The following NRG3 variants were observed in gnomAD, a reference collection of about 807,000 sequenced individuals.
NRG3 encodes the protein neuregulin 3, also known as pro-neuregulin-3, membrane-bound isoform.
NRG3 carries 31 observed loss-of-function variants against 66.9 expected under a neutral mutation model. That is an observed-to-expected ratio of 0.46 (90% CI 0.35 to 0.63). NRG3 has a LOEUF of 0.63. Ranked by LOEUF, NRG3 falls within the 20% of genes least tolerant of loss-of-function variation. The pLI is 0.00. For synonymous variants in NRG3, 393 were observed against 359.4 expected, an observed-to-expected ratio of 1.09 and a Z score of -1.06; for missense variants, 910 against 878.9, an observed-to-expected ratio of 1.04 and a Z score of -0.45.
At chr10:82,632,635 G>A (rs902340254) in intron 2 of NRG3, among the ~76,000 whole-genome samples, 1 of 152,102 alleles carries the variant, frequency 6.6e-6, no homozygotes, top group Non-Finnish European at 1.5e-5. Flanking sequence ...GAAGGACTGT[G>A]TAGTATTATA....
At chr10:82,445,732 C>G (rs1284667676) in intron 2 of NRG3, among the ~76,000 whole-genome samples, 1 of 152,098 alleles carries the variant, frequency 6.6e-6, no homozygotes. Flanking sequence ...TGTTGTATTC[C>G]AGTAAAATCA....
At chr10:82,221,561 T>A (rs898295461) in intron 1 of NRG3, among the ~76,000 whole-genome samples, 1 of 151,958 alleles carries the variant, frequency 6.6e-6, no homozygotes, top group African/African-American at 2.4e-5. Flanking sequence ...TGATTCCACA[T>A]AATGCTCATC....
intron 2 of NRG3, among the ~76,000 whole-genome samples, chr10:82,703,599 A>G (rs1208197733): frequency 6.6e-6 from 1 of 152,148 alleles, no homozygotes; most frequent in African/African-American, 2.4e-5. Flanking sequence ...TTTATGGGTC[A>G]GATTCGTTCC....
chr10:81,997,144 C>A (rs1252644254), intron 1 of NRG3, among the ~76,000 whole-genome samples: 1 of 152,126 alleles, frequency 6.6e-6, no homozygotes, highest in Non-Finnish European at 1.5e-5. Flanking sequence ...TGCTAAGAGA[C>A]CTTCTGGGCC....
chr10:81,975,023 G>A (rs1197681448), intron 1 of NRG3, among the ~76,000 whole-genome samples: 1 of 151,580 alleles, frequency 6.6e-6, no homozygotes, highest in Admixed American at 6.6e-5. Flanking sequence ...GTATCTTATT[G>A]GAAACAATGA....
At chr10:82,032,016 T>C (rs2062591039) in intron 1 of NRG3, among the ~76,000 whole-genome samples, 1 of 152,078 alleles carries the variant, frequency 6.6e-6, no homozygotes, top group South Asian at 2.1e-4. Context: ...CAGTTGCTGT[T>C]CCTTGTTAGG....
intron 1 of NRG3, among the ~76,000 whole-genome samples, chr10:81,984,141 G>T (rs1224549713): frequency 6.6e-6 from 1 of 152,068 alleles, no homozygotes. Flanking sequence ...AATCAACCTT[G>T]CTGGTACCAT....
chr10:81,957,639 T>C (rs931655932), intron 1 of NRG3, among the ~76,000 whole-genome samples: 5 of 152,234 alleles, frequency 3.3e-5, no homozygotes, highest in Admixed American at 3.3e-4. Flanking sequence ...GTGCCTGGCA[T>C]GTACCAGTGA....
chr10:82,637,376 G>A (rs924603596), intron 2 of NRG3, among the ~76,000 whole-genome samples: 4 of 152,008 alleles, frequency 2.6e-5, no homozygotes, highest in African/African-American at 9.7e-5. Flanking sequence ...ATAAATATTT[G>A]TTGAGGAACA....
chr10:82,287,937 T>C (rs2079514994), intron 1 of NRG3, among the ~76,000 whole-genome samples: 1 of 152,158 alleles, frequency 6.6e-6, no homozygotes, highest in Admixed American at 6.5e-5. Flanking sequence ...GGGAGTAAAT[T>C]CTGTGTCAAC....
intron 2 of NRG3, among the ~76,000 whole-genome samples, chr10:82,511,191 T>C (rs1387460866): frequency 6.6e-6 from 1 of 151,844 alleles, no homozygotes; most frequent in Admixed American, 6.6e-5. Context: ...TGGAAGCATA[T>C]AAAAGTTAAA....
intron 2 of NRG3, among the ~76,000 whole-genome samples, chr10:82,388,408 G>A (rs2086147058): frequency 6.6e-6 from 1 of 152,130 alleles, no homozygotes; most frequent in Non-Finnish European, 1.5e-5. Context: ...GAAACTAGAA[G>A]TATTGGTGAC....
At chr10:82,951,046 G>GA (rs2132355395) in intron 4 of NRG3, among the ~76,000 whole-genome samples, 1 of 152,278 alleles carries the variant, frequency 6.6e-6, no homozygotes, top group Admixed American at 6.5e-5. Flanking sequence ...ATCAGAATCA[G>GA]AAAACACAGG....
At chr10:82,643,766 C>A (rs2050739928) in intron 2 of NRG3, among the ~76,000 whole-genome samples, 1 of 151,946 alleles carries the variant, frequency 6.6e-6, no homozygotes, top group Admixed American at 6.6e-5. Context: ...TGCTTCAGTT[C>A]TCTGGCATGT....
At chr10:82,345,686 C>T (rs533478710) in intron 1 of NRG3, among the ~76,000 whole-genome samples, 1,798 of 151,424 alleles carry the variant, frequency 0.012, 29 homozygotes, top group African/African-American at 0.035. Flanking sequence ...TTGATTCTTC[C>T]TACCCATGAG....
At chr10:82,092,117 A>T (rs989863523) in intron 1 of NRG3, among the ~76,000 whole-genome samples, 1 of 152,170 alleles carries the variant, frequency 6.6e-6, no homozygotes, top group Non-Finnish European at 1.5e-5. Flanking sequence ...ATCTCAATCA[A>T]CTTTTACTAT....
chr10:82,198,713 A>C (rs986251952), intron 1 of NRG3, among the ~76,000 whole-genome samples: 1 of 152,064 alleles, frequency 6.6e-6, no homozygotes, highest in Non-Finnish European at 1.5e-5. Flanking sequence ...AAAATAACTT[A>C]AGGGGCCGGG....
intron 1 of NRG3, among the ~76,000 whole-genome samples, chr10:82,152,940 A>C (rs1022202980): frequency 2.7e-5 from 4 of 149,626 alleles, no homozygotes; most frequent in Admixed American, 6.7e-5. Flanking sequence ...ACAAATAATA[A>C]TTGCATGTAT....
chr10:82,716,975 G>T (rs2057009678), intron 2 of NRG3, among the ~76,000 whole-genome samples: 1 of 152,110 alleles, frequency 6.6e-6, no homozygotes, highest in South Asian at 2.1e-4. Flanking sequence ...TTTAATCAGT[G>T]AAAATAAGTT....
Sources: gnomAD v4.1 joint callset for allele counts (sites outside exome capture counted in the v4.1 genomes callset) on GRCh38, gnomAD v4.1.1 for gene constraint, MANE v1.5 for transcripts, NCBI Gene and HGNC (gene_info 2026-07-23, HGNC 2026-07-21) for gene names.